Variants in ATP6V1H observed in about 807,000 individuals in gnomAD.
The protein encoded by ATP6V1H is ATPase H+ transporting V1 subunit H, also known as V-type proton ATPase subunit H.
In ATP6V1H, 39 loss-of-function variants were observed where a neutral mutation model predicts 71.7. The ratio of observed to expected loss-of-function variants is 0.54; its 90% CI spans 0.42 to 0.71. The LOEUF is 0.71. Ranked by LOEUF, ATP6V1H falls within the 30% of genes least tolerant of loss-of-function variation. The pLI, the probability that ATP6V1H is intolerant of heterozygous loss-of-function variation, is 0.00. For missense variants in ATP6V1H, 509 were observed against 594.9 expected, an observed-to-expected ratio of 0.86 and a Z score of 1.50; for synonymous variants, 192 against 199.3, an observed-to-expected ratio of 0.96 and a Z score of 0.31.
At chr8:53,835,789 A>C (rs1214727801) in intron 2 of ATP6V1H, among the ~76,000 whole-genome samples, 1 of 152,100 alleles carries the variant, frequency 6.6e-6, no homozygotes, top group Non-Finnish European at 1.5e-5. Context: ...CTATGACTAC[A>C]TCTTGACACT....
intron 4 of ATP6V1H, among the ~76,000 whole-genome samples, chr8:53,828,724 G>A (rs1810901315): frequency 6.6e-6 from 1 of 152,078 alleles, no homozygotes; most frequent in African/African-American, 2.4e-5. Context: ...ACAGTGCTTG[G>A]TGAAAATTAG....
intron 13 of ATP6V1H, among the ~76,000 whole-genome samples, chr8:53,726,824 A>G (rs1398663295): frequency 6.6e-6 from 1 of 152,116 alleles, no homozygotes; most frequent in Non-Finnish European, 1.5e-5. Context: ...AAGATCATGG[A>G]GAAAGACCAG....
chr8:53,755,295 AT>A (rs1366269372), intron 12 of ATP6V1H, among the ~76,000 whole-genome samples: 1 of 152,116 alleles, frequency 6.6e-6, no homozygotes, highest in Admixed American at 6.5e-5. Context: ...TATGTGCCCC[AT>A]TCCAATAGCT....
intron 11 of ATP6V1H, among the ~76,000 whole-genome samples, chr8:53,767,562 TC>T (rs1424072544): frequency 6.6e-6 from 1 of 152,192 alleles, no homozygotes; most frequent in Non-Finnish European, 1.5e-5. Flanking sequence ...GAGTCATACT[TC>T]CTGTTTTCCA....
chr8:53,835,853 T>C (rs895046078), intron 2 of ATP6V1H, among the ~76,000 whole-genome samples: 1 of 152,134 alleles, frequency 6.6e-6, no homozygotes, highest in Non-Finnish European at 1.5e-5. Context: ...TCATCTTCAC[T>C]GCCTCCTGTG....
intron 2 of ATP6V1H, among the ~76,000 whole-genome samples, chr8:53,835,818 AT>A (rs1811141263): frequency 1.3e-5 from 2 of 151,988 alleles, no homozygotes; most frequent in South Asian, 4.2e-4. Flanking sequence ...TAGCTTCCAG[AT>A]TCTTCTCATC....
chr8:53,719,235 ATC>A (rs1175538438), intron 13 of ATP6V1H, among the ~76,000 whole-genome samples: 1 of 151,954 alleles, frequency 6.6e-6, no homozygotes, highest in African/African-American at 2.4e-5. Context: ...CAATGGTGTG[ATC>A]TCAGCTCACT....
At chr8:53,793,508 G>A (rs908787169) in intron 9 of ATP6V1H, among the ~76,000 whole-genome samples, 6 of 152,052 alleles carry the variant, frequency 3.9e-5, no homozygotes, top group African/African-American at 9.7e-5. Context: ...AGCCAGGCTC[G>A]GTGGCATGCA....
In ATP6V1H at chr8:53,716,006, C is replaced by T. The variant is rs755251273; in HGVS notation, c.1410G>A (p.Gln470=). 4.4e-6 allele frequency: 7 copies of T among 1,606,704 alleles called. No homozygotes were observed. The African/African-American group carries it at 6.7e-5, about 15-fold the overall frequency. Residue 470 remains glutamine (Q), a synonymous_variant, in exon 14 of 14, where the codon CAG becomes CAA. Transcript: ENST00000359530. ...CGGTCTGGGGCTGCTCGGACTGGAG[C>T]TGCTTGCCAAGGTATTCCCTGAAAA... ...MVHNWEYLGK[Q]LQSEQPQTAA...
At chr8:53,731,008 T>C (rs1362083103) in intron 13 of ATP6V1H, among the ~76,000 whole-genome samples, 1 of 152,174 alleles carries the variant, frequency 6.6e-6, no homozygotes, top group Admixed American at 6.5e-5. Flanking sequence ...AACATTCAGG[T>C]GACTGTAATC....
intron 3 of ATP6V1H, among the ~76,000 whole-genome samples, 157 bp from the exon 4 acceptor site, chr8:53,829,690 T>TG (rs1810942964): frequency 6.6e-6 from 1 of 152,216 alleles, no homozygotes; most frequent in Non-Finnish European, 1.5e-5. Flanking sequence ...AATATTGTGA[T>TG]GAAGTATGAG....
At chr8:53,749,029 C>T (rs1807702412) in intron 12 of ATP6V1H, among the ~76,000 whole-genome samples, 1 of 152,204 alleles carries the variant, frequency 6.6e-6, no homozygotes, top group Non-Finnish European at 1.5e-5. Flanking sequence ...AAGTATTATG[C>T]CCTACTGTGT....
At chr8:53,764,547 C>CAA (rs529327898) in intron 11 of ATP6V1H, among the ~76,000 whole-genome samples, 1 of 144,058 alleles carries the variant, frequency 6.9e-6, no homozygotes, top group Admixed American at 6.9e-5. Context: ...AGATGATGTG[C>CAA]AAAAAAAAAA....
chr8:53,769,335 C>A (rs1808571721), intron 11 of ATP6V1H, among the ~76,000 whole-genome samples: 1 of 151,924 alleles, frequency 6.6e-6, no homozygotes, highest in African/African-American at 2.4e-5. Flanking sequence ...AGAGTGGGGA[C>A]AAAATGGCTG....
chr8:53,738,075 T>C (rs1404743984), intron 13 of ATP6V1H, among the ~76,000 whole-genome samples: 1 of 152,218 alleles, frequency 6.6e-6, no homozygotes, highest in African/African-American at 2.4e-5. Flanking sequence ...AAATTTTTAG[T>C]ATACTCTGCC....
intron 13 of ATP6V1H, among the ~76,000 whole-genome samples, chr8:53,733,707 TGG>T (rs1807105351): frequency 6.6e-6 from 1 of 152,186 alleles, no homozygotes; most frequent in African/African-American, 2.4e-5. Context: ...CTGCAGGTTA[TGG>T]ATCCCAAACT....
intron 9 of ATP6V1H, among the ~76,000 whole-genome samples, chr8:53,776,945 C>G (rs993113749): frequency 6.6e-6 from 1 of 152,106 alleles, no homozygotes; most frequent in Non-Finnish European, 1.5e-5. Context: ...CAAAAGTGGA[C>G]TGGAGATGAC....
chr8:53,797,136 C>T (rs1443543143), intron 8 of ATP6V1H, among the ~76,000 whole-genome samples: 4 of 152,224 alleles, frequency 2.6e-5, no homozygotes, highest in African/African-American at 7.2e-5. Flanking sequence ...AGTTATTAAG[C>T]CAAGCCTTCT....
intron 3 of ATP6V1H, among the ~76,000 whole-genome samples, 186 bp from the exon 4 acceptor site, chr8:53,829,719 G>T (rs1468247324): frequency 6.6e-6 from 1 of 152,118 alleles, no homozygotes; most frequent in Non-Finnish European, 1.5e-5. Context: ...ACTATGGCTT[G>T]TATCAGCTTG....
Sources: allele counts gnomAD v4.1 joint callset (sites outside exome capture counted in the v4.1 genomes callset), GRCh38; gene constraint gnomAD v4.1.1; transcripts MANE v1.5; gene names NCBI Gene and HGNC (gene_info 2026-07-23, HGNC 2026-07-21).